Variants in HMGCLL1 observed in about 807,000 individuals in gnomAD.
HMGCLL1 encodes the protein 3-hydroxymethyl-3-methylglutaryl-CoA lyase, cytoplasmic.
A neutral mutation model predicts 39.1 loss-of-function variants in HMGCLL1; 36 were observed. The ratio of observed to expected loss-of-function variants is 0.92; its 90% confidence interval spans 0.71 to 1.22. HMGCLL1 has a LOEUF of 1.22. Among genes scored for constraint, HMGCLL1 ranks in the 50% most tolerant of loss-of-function variants. HMGCLL1 has a pLI of 0.00. For missense variants in HMGCLL1, 451 were observed against 416.5 expected (o/e 1.08, Z -0.72); for synonymous variants, 149 against 144.0 (o/e 1.03, Z -0.25).
the HMGCLL1 span, among the ~76,000 whole-genome samples, chr6:55,626,770 C>T: frequency 6.6e-6 from 1 of 152,006 alleles, no homozygotes; most frequent in Admixed American, 6.6e-5. Context: ...AAGATTGCCA[C>T]CTGGACACTT....
chr6:55,522,295 A>G (rs1168703421), intron 3 of HMGCLL1, among the ~76,000 whole-genome samples: 3 of 151,968 alleles, frequency 2.0e-5, no homozygotes, highest in Non-Finnish European at 2.9e-5. Context: ...TTTTATAGGA[A>G]TTAATTTTTA....
At chr6:55,655,181 A>G in the HMGCLL1 span, among the ~76,000 whole-genome samples, 4 of 151,932 alleles carry the variant, frequency 2.6e-5, no homozygotes, top group South Asian at 8.3e-4. Context: ...CTCTACTTTT[A>G]TCACATCTCT....
At chr6:55,495,631 G>C in intron 6 of HMGCLL1, 24 bp from the exon 7 acceptor site, 1 of 1,532,162 alleles carries the variant, frequency 6.5e-7, no homozygotes, top group South Asian at 1.3e-5. Context: ...TGAAGTGCTA[G>C]TAAAATAATG....
the HMGCLL1 span, among the ~76,000 whole-genome samples, chr6:55,637,341 A>C: frequency 1.3e-5 from 2 of 152,272 alleles, no homozygotes; most frequent in South Asian, 2.1e-4. Flanking sequence ...AACATTGGTG[A>C]ACATCAGGTT....
chr6:55,494,289 T>G (rs1766469396), intron 7 of HMGCLL1, among the ~76,000 whole-genome samples: 1 of 152,096 alleles, frequency 6.6e-6, no homozygotes, highest in South Asian at 2.1e-4. Context: ...AGTGTTAAAA[T>G]ATAGAAGATA....
At chr6:55,456,436 C>A (rs887250723) in intron 7 of HMGCLL1, among the ~76,000 whole-genome samples, 1 of 152,128 alleles carries the variant, frequency 6.6e-6, no homozygotes, top group Non-Finnish European at 1.5e-5. Flanking sequence ...ATGGGGTATG[C>A]AGGAAAATAC....
intron 8 of HMGCLL1, among the ~76,000 whole-genome samples, chr6:55,437,729 G>C (rs1763428407): frequency 6.6e-6 from 1 of 151,990 alleles, no homozygotes; most frequent in Non-Finnish European, 1.5e-5. Context: ...TTATATGTTA[G>C]GTGTAACCCT....
chr6:55,538,758 G>A (rs1438602908), intron 3 of HMGCLL1, among the ~76,000 whole-genome samples: 1 of 152,008 alleles, frequency 6.6e-6, no homozygotes, highest in Non-Finnish European at 1.5e-5. Flanking sequence ...ATAAGTAGAA[G>A]ATAAACGATA....
At chr6:55,449,440 C>A (rs1373257946) in intron 7 of HMGCLL1, among the ~76,000 whole-genome samples, 1 of 152,198 alleles carries the variant, frequency 6.6e-6, no homozygotes, top group Non-Finnish European at 1.5e-5. Flanking sequence ...TTGGAGGAGA[C>A]AACACACTCA....
chr6:55,594,392 C>T, the HMGCLL1 span, among the ~76,000 whole-genome samples: 5 of 152,074 alleles, frequency 3.3e-5, no homozygotes, highest in African/African-American at 1.2e-4. Flanking sequence ...TCATTTTTAA[C>T]CAAGAATTTT....
intron 7 of HMGCLL1, among the ~76,000 whole-genome samples, chr6:55,452,383 C>G (rs1188609943): frequency 6.6e-6 from 1 of 151,988 alleles, no homozygotes; most frequent in East Asian, 1.9e-4. Context: ...GAACTGTGGA[C>G]CAGTAACTTT....
At chr6:55,546,620 A>G (rs1769993183) in intron 1 of HMGCLL1, among the ~76,000 whole-genome samples, 1 of 152,148 alleles carries the variant, frequency 6.6e-6, no homozygotes, top group Non-Finnish European at 1.5e-5. Flanking sequence ...AGCAACTGTG[A>G]GGCAGGGATG....
At chr6:55,561,834 C>G (rs896680300) in intron 1 of HMGCLL1, among the ~76,000 whole-genome samples, 2 of 152,036 alleles carry the variant, frequency 1.3e-5, no homozygotes, top group Admixed American at 6.6e-5. Flanking sequence ...TCATACCACT[C>G]TTTCATTTTT....
intron 3 of HMGCLL1, among the ~76,000 whole-genome samples, chr6:55,526,647 T>C (rs1299480749): frequency 1.3e-5 from 2 of 152,098 alleles, no homozygotes; most frequent in Admixed American, 6.6e-5. Context: ...TACTATTTTA[T>C]TGTTAATAAT....
the HMGCLL1 span, among the ~76,000 whole-genome samples, chr6:55,650,839 G>C: frequency 6.6e-6 from 1 of 152,014 alleles, no homozygotes; most frequent in Non-Finnish European, 1.5e-5. Context: ...TCCACAGGGT[G>C]TTCTGCCAGG....
At chr6:55,539,491 T>C (rs1340186656) in intron 3 of HMGCLL1, among the ~76,000 whole-genome samples, 1 of 152,088 alleles carries the variant, frequency 6.6e-6, no homozygotes, top group African/African-American at 2.4e-5. Flanking sequence ...CTGTATACCA[T>C]GGAATACTAT....
intron 3 of HMGCLL1, 85 bp downstream of exon 3, chr6:55,541,644 T>C: frequency 1.5e-6 from 1 of 688,520 alleles, no homozygotes; most frequent in South Asian, 1.9e-5. Context: ...TTAGTAATTA[T>C]ATCAAGTTAA....
At chr6:55,660,013 T>C in the HMGCLL1 span, among the ~76,000 whole-genome samples, 1 of 151,818 alleles carries the variant, frequency 6.6e-6, no homozygotes, top group Non-Finnish European at 1.5e-5. Flanking sequence ...AGTGGGATAC[T>C]ACTAAAATAA....
chr6:55,617,617 C>T, the HMGCLL1 span, among the ~76,000 whole-genome samples: 2 of 152,024 alleles, frequency 1.3e-5, no homozygotes, highest in African/African-American at 2.4e-5. Flanking sequence ...ATTCAGAAGT[C>T]TTATTAAACA....
Sources: gnomAD v4.1 joint callset for allele counts (sites outside exome capture counted in the v4.1 genomes callset) on GRCh38, gnomAD v4.1.1 for gene constraint, MANE v1.5 for transcripts, NCBI Gene and HGNC (gene_info 2026-07-23, HGNC 2026-07-21) for gene names.